The following NR6A1 variants were observed in gnomAD, a reference collection of about 807,000 sequenced individuals.
NR6A1 encodes nuclear receptor subfamily 6 group A member 1.
Under a neutral mutation model 59.1 loss-of-function variants are expected in NR6A1, and 7 were observed. The observed-to-expected ratio is 0.12, with a 90% CI of 0.07 to 0.22. The LOEUF is 0.22. Ranked by LOEUF, NR6A1 falls within the 10% of genes least tolerant of loss-of-function variation. The probability of loss-of-function intolerance (pLI) is 1.00; values close to 1 mark genes in which losing one functional copy is unlikely to be tolerated. For missense variants in NR6A1, 468 were observed against 611.6 expected, an observed-to-expected ratio of 0.77 and a Z score of 2.48; for synonymous variants, 243 against 236.1, an observed-to-expected ratio of 1.03 and a Z score of -0.27.
At chr9:124,740,415 C>A (rs886633500) in intron 1 of NR6A1, among the ~76,000 whole-genome samples, 1 of 152,114 alleles carries the variant, frequency 6.6e-6, no homozygotes, top group Non-Finnish European at 1.5e-5. Flanking sequence ...TATGAGATAA[C>A]GTTATTTCAC....
At chr9:124,726,193 T>A (rs1160925286) in intron 2 of NR6A1, among the ~76,000 whole-genome samples, 1 of 152,160 alleles carries the variant, frequency 6.6e-6, no homozygotes, top group Non-Finnish European at 1.5e-5. Flanking sequence ...ACATCGTTGT[T>A]AAGTAGTGAC....
intron 2 of NR6A1, among the ~76,000 whole-genome samples, chr9:124,658,315 G>C (rs1206485625): frequency 2.0e-5 from 3 of 152,100 alleles, no homozygotes; most frequent in Non-Finnish European, 2.9e-5. Context: ...AGCCCAATCA[G>C]AAGACAAACC....
intron 1 of NR6A1, among the ~76,000 whole-genome samples, chr9:124,744,809 C>A (rs1840278054): frequency 6.6e-6 from 1 of 152,190 alleles, no homozygotes; most frequent in Non-Finnish European, 1.5e-5. Flanking sequence ...AAAGTCATTT[C>A]AGAAAGTGCC....
At chr9:124,576,196 C>G (rs1233920983) in intron 2 of NR6A1, among the ~76,000 whole-genome samples, 1 of 152,214 alleles carries the variant, frequency 6.6e-6, no homozygotes, top group East Asian at 1.9e-4. Flanking sequence ...TGAGCTTTTA[C>G]AGTAAGTTGT....
intron 2 of NR6A1, among the ~76,000 whole-genome samples, chr9:124,661,863 T>TG (rs1480637424): frequency 6.6e-6 from 1 of 152,220 alleles, no homozygotes; most frequent in East Asian, 1.9e-4. Flanking sequence ...AATAGCCTCA[T>TG]GTGACTATCA....
Position 124,701,019 on chromosome 9 carries a change from C to T in NR6A1, c.142+32289G>A, listed in dbSNP as rs13296203. On this transcript the variant is annotated intron_variant, in intron 2 of 9. Transcript: ENST00000487099. The stretch of plus-strand genomic sequence containing the variant: ...CAGGTGACCCACCCGCCTTGGCCTC[C>T]CAAAGTGCTGAGATTACAGGCATGA... Among the ~76,000 whole-genome samples, 1,142 of 152,228 alleles carry T rather than the reference C, an allele frequency of 7.5e-3. 10 individuals are homozygous for T. The highest frequency in any genetic ancestry group is 0.019 in the Admixed American group (297 of 15,290).
intron 1 of NR6A1, among the ~76,000 whole-genome samples, chr9:124,750,534 G>C (rs987739015): frequency 2.2e-4 from 33 of 152,286 alleles, no homozygotes; most frequent in African/African-American, 7.5e-4. Flanking sequence ...GCCGAGGCAG[G>C]CGGATCACGA....
intron 2 of NR6A1, among the ~76,000 whole-genome samples, chr9:124,651,406 G>C (rs780932039): frequency 6.6e-6 from 1 of 152,152 alleles, no homozygotes; most frequent in African/African-American, 2.4e-5. Flanking sequence ...AATTGAATTT[G>C]ATTACTGGCT....
chr9:124,686,587 GA>G (rs200404081), intron 2 of NR6A1, among the ~76,000 whole-genome samples: 2 of 151,238 alleles, frequency 1.3e-5, no homozygotes, highest in East Asian at 1.9e-4. Flanking sequence ...GATTTACCAT[GA>G]AAAAAAACGA....
chr9:124,556,063 T>C (rs1339647445), intron 2 of NR6A1, among the ~76,000 whole-genome samples: 1 of 152,168 alleles, frequency 6.6e-6, no homozygotes, highest in African/African-American at 2.4e-5. Flanking sequence ...TTGCCATCTA[T>C]AGTAAGCAGA....
In NR6A1 at chr9:124,519,868, C is replaced by T. The variant is rs1832762324; in HGVS notation, c.*2837G>A. ...AGTGAGCCAAGATCGCACCACTGCA[C>T]TCCAGCCTGAGCGACAGAGCGAGAC... On this transcript the variant is annotated 3_prime_UTR_variant, in exon 10 of 10. Transcript: ENST00000487099. 7.3e-6 allele frequency: 1 copy of T among 136,148 alleles called. No homozygotes were observed. Among genetic ancestry groups the T allele is most frequent in the South Asian group, 2.4e-4 (1 of 4,252 alleles). 8.4% of individuals were successfully genotyped at this position (136,148 alleles called of 1,614,324 possible).
At chr9:124,714,540 A>C (rs1265865034) in intron 2 of NR6A1, among the ~76,000 whole-genome samples, 1 of 152,224 alleles carries the variant, frequency 6.6e-6, no homozygotes, top group Non-Finnish European at 1.5e-5. Flanking sequence ...ATTGTACTGG[A>C]AATCTTAGCC....
At chr9:124,546,525 G>C (rs1477828244) in intron 3 of NR6A1, among the ~76,000 whole-genome samples, 3 of 152,082 alleles carry the variant, frequency 2.0e-5, no homozygotes, top group Non-Finnish European at 4.4e-5. Context: ...GGTGAATTTG[G>C]GTAAAGGGCA....
At chr9:124,687,249 T>G (rs906528415) in intron 2 of NR6A1, among the ~76,000 whole-genome samples, 1 of 151,134 alleles carries the variant, frequency 6.6e-6, no homozygotes, top group Non-Finnish European at 1.5e-5. Flanking sequence ...GCCTCCTAAA[T>G]AGCTGGGACT....
chr9:124,647,718 C>T (rs1374251114), intron 2 of NR6A1, among the ~76,000 whole-genome samples: 1 of 130,876 alleles, frequency 7.6e-6, no homozygotes, highest in Non-Finnish European at 1.6e-5. Flanking sequence ...CAGAGTGAGA[C>T]CGTCTCAAAA....
Position 124,518,748 on chromosome 9 carries a change from GTTTTTTGGGTTTTT to G in NR6A1, c.*3943_*3956del, listed in dbSNP as rs1832738959. 6.7e-6 allele frequency: 1 copy of G among 149,120 alleles called. No homozygotes were observed. Among genetic ancestry groups the G allele is most frequent in the Non-Finnish European group, 1.5e-5 (1 of 67,230 alleles). The allele number at this position is 149,120 out of a possible 1,614,324, so 9.2% of individuals were successfully genotyped here. A position where few individuals can be genotyped will look rare whatever the true frequency, so the allele number is the denominator to read the frequency against. On this transcript the variant is annotated 3_prime_UTR_variant, in exon 10 of 10. Coordinates refer to ENST00000487099, the MANE Select transcript of NR6A1 (RefSeq NM_033334.4). ...CGGATTTTTTTGTTAAATTTTGTTT[GTTTTTTGGGTTTTT>G]TTTTTTTTTACTTTAAAAAAATCAA...
At chr9:124,630,365 G>A (rs1284903961) in intron 2 of NR6A1, among the ~76,000 whole-genome samples, 1 of 151,488 alleles carries the variant, frequency 6.6e-6, no homozygotes, top group Non-Finnish European at 1.5e-5. Context: ...TGAGTAGCTA[G>A]TAGCAGGCGC....
intron 2 of NR6A1, among the ~76,000 whole-genome samples, chr9:124,731,547 G>T (rs1428425929): frequency 6.6e-6 from 1 of 152,006 alleles, no homozygotes; most frequent in South Asian, 2.1e-4. Context: ...GTTATACCAG[G>T]TGTGCCTGCC....
At chr9:124,688,042 C>T (rs1838397967) in intron 2 of NR6A1, among the ~76,000 whole-genome samples, 1 of 152,138 alleles carries the variant, frequency 6.6e-6, no homozygotes, top group Admixed American at 6.5e-5. Flanking sequence ...TATAAGTTGG[C>T]TGGGCACAGT....
Sources: allele counts gnomAD v4.1 joint callset (sites outside exome capture counted in the v4.1 genomes callset), GRCh38; gene constraint gnomAD v4.1.1; transcripts MANE v1.5; gene names NCBI Gene and HGNC (gene_info 2026-07-23, HGNC 2026-07-21).